CFH: variants seen among roughly 807,000 people sequenced by gnomAD.
CFH encodes H factor 1 (complement).
Under a neutral mutation model 147.3 loss-of-function variants are expected in CFH, and 53 were observed. The observed-to-expected ratio is 0.36, with a 90% CI of 0.29 to 0.45. The LOEUF is 0.45. CFH is among the 20% of genes least tolerant of loss of function. CFH has a pLI of 1.00. For synonymous variants in CFH, 536 were observed against 489.4 expected, an observed-to-expected ratio of 1.10 and a Z score of -1.26; for missense variants, 1,380 against 1,498.0, an observed-to-expected ratio of 0.92 and a Z score of 1.30.
intron 6 of CFH, among the ~76,000 whole-genome samples, chr1:196,680,217 C>T (rs1333693634): frequency 6.7e-6 from 1 of 149,092 alleles, no homozygotes; most frequent in African/African-American, 2.5e-5. Context: ...AGGAAACTCT[C>T]AACTGACAAT....
chr1:196,681,882 T>C (rs1055998250), intron 6 of CFH, among the ~76,000 whole-genome samples: 1 of 151,826 alleles, frequency 6.6e-6, no homozygotes, highest in Admixed American at 6.6e-5. Flanking sequence ...ATCTACTTGC[T>C]GATATAAGAT....
In CFH at chr1:196,677,676, C is replaced by A; in HGVS notation, c.619+9C>A. ...GAAACCAAAGTGTGTGGGTAAGATACACTTACTGTTTTAGTATTTTTAGCT... is the reference window on the plus strand; with the variant it reads ...GAAACCAAAGTGTGTGGGTAAGATAAACTTACTGTTTTAGTATTTTTAGCT... On this transcript the variant is annotated intron_variant, in intron 5 of 21. Transcript: ENST00000367429. 1 of 1,610,672 alleles carries A rather than the reference C, an allele frequency of 6.2e-7. No homozygotes were observed. Among genetic ancestry groups the A allele is most frequent in the Non-Finnish European group, 8.5e-7 (1 of 1,177,266 alleles).
chr1:196,704,197 C>A (rs1668530693), intron 9 of CFH, among the ~76,000 whole-genome samples: 1 of 151,986 alleles, frequency 6.6e-6, no homozygotes, highest in Non-Finnish European at 1.5e-5. Context: ...CGAGCTAAAG[C>A]AATTTTCCTG....
chr1:196,747,035 T>G (rs1436410172), intron 21 of CFH, 76 bp from the exon 22 acceptor site: 1 of 1,593,020 alleles, frequency 6.3e-7, no homozygotes, highest in Admixed American at 1.7e-5. Flanking sequence ...CATATAACAT[T>G]CTACTTGAAA....
chr1:196,736,945 T>C lies in CFH; in HGVS notation c.2535T>C (p.Ile845=), dbSNP rs1669418679. 2 of 1,611,932 alleles carry C rather than the reference T, an allele frequency of 1.2e-6. No homozygotes were observed. Among genetic ancestry groups the C allele is most frequent in the African/African-American group, 2.7e-5 (2 of 74,834 alleles). The change falls in exon 16 of 22, where the codon ATT becomes ATC. Residue 845 remains isoleucine, a synonymous_variant. Transcript: ENST00000367429. ...VSVLCQENYL[I]QEGEEITCKD... ...TTCTTTGCCAAGAAAATTATCTAAT[T>C]CAGGAAGGAGAAGAAATTACATGCA... is the stretch of plus-strand genomic sequence containing the variant.
At chr1:196,719,880 G>A (rs963360287) in intron 11 of CFH, among the ~76,000 whole-genome samples, 9 of 150,346 alleles carry the variant, frequency 6.0e-5, no homozygotes, top group African/African-American at 2.2e-4. Context: ...AATTTATCTT[G>A]GTTTGTTTTC....
At chr1:196,717,642 G>A (rs1003524404) in intron 11 of CFH, among the ~76,000 whole-genome samples, 3 of 152,072 alleles carry the variant, frequency 2.0e-5, no homozygotes, top group Non-Finnish European at 4.4e-5. Context: ...AATCTAATAG[G>A]AAGATCAGAA....
chr1:196,704,309 C>T (rs542791688), intron 9 of CFH, among the ~76,000 whole-genome samples: 1 of 152,180 alleles, frequency 6.6e-6, no homozygotes. Flanking sequence ...TTGCCTGGCT[C>T]GTCTTAAACT....
chr1:196,653,269 T>C (rs1380246626), intron 1 of CFH, among the ~76,000 whole-genome samples: 1 of 151,810 alleles, frequency 6.6e-6, no homozygotes, highest in African/African-American at 2.4e-5. Context: ...TTATTGCTTG[T>C]TCTTTGGCTT....
At chr1:196,663,970 A>G (rs999695423) in intron 1 of CFH, among the ~76,000 whole-genome samples, 4 of 152,200 alleles carry the variant, frequency 2.6e-5, no homozygotes, top group Admixed American at 2.6e-4. Context: ...TTCTGATTAT[A>G]CCAAGATATG....
At chr1:196,683,117 A>G (rs1667710440) in intron 6 of CFH, among the ~76,000 whole-genome samples, 1 of 151,258 alleles carries the variant, frequency 6.6e-6, no homozygotes. Flanking sequence ...GTACAAGAGG[A>G]GAAGCAAAAA....
Position 196,680,452 on chromosome 1 carries a change from C to T in CFH, c.790+659C>T, listed in dbSNP as rs75909138. Among the ~76,000 whole-genome samples, 458 of 151,730 alleles carry T rather than the reference C, an allele frequency of 3.0e-3. 2 individuals carry two copies. The highest frequency in any genetic ancestry group is 0.021 in the East Asian group (109 of 5,170). ...TCTACTTAACCTACTTCATTTTAAACGGGAAAGTTTCAAACTATCATGGCC... is the reference window on the plus strand; with the variant it reads ...TCTACTTAACCTACTTCATTTTAAATGGGAAAGTTTCAAACTATCATGGCC... On this transcript the variant is annotated intron_variant, in intron 6 of 21. Coordinates refer to ENST00000367429, the MANE Select transcript of CFH (RefSeq NM_000186.4).
intron 14 of CFH, among the ~76,000 whole-genome samples, chr1:196,727,513 TA>T (rs1669173482): frequency 6.6e-6 from 1 of 151,994 alleles, no homozygotes; most frequent in Admixed American, 6.6e-5. Context: ...ACAAAAATAT[TA>T]AAAAATTATC....
At chr1:196,729,683 ATGT>A (rs1669236162) in intron 15 of CFH, among the ~76,000 whole-genome samples, 1 of 151,948 alleles carries the variant, frequency 6.6e-6, no homozygotes, top group South Asian at 2.1e-4. Context: ...CCTTTCTAAA[ATGT>A]TGTTATAATT....
intron 9 of CFH, among the ~76,000 whole-genome samples, chr1:196,698,269 A>C (rs1405512201): frequency 6.6e-6 from 1 of 152,176 alleles, no homozygotes; most frequent in Non-Finnish European, 1.5e-5. Flanking sequence ...AACCCTTCAA[A>C]AAATCAATGC....
intron 2 of CFH, 94 bp downstream of exon 2, chr1:196,673,257 T>A: frequency 8.9e-7 from 1 of 1,118,372 alleles, no homozygotes; most frequent in Non-Finnish European, 1.4e-6. Context: ...ATTATATCAC[T>A]ATTGCCAGTC....
In CFH at chr1:196,743,458, C is replaced by T; in HGVS notation, c.3140C>T (p.Ser1047Phe). 6.2e-7 allele frequency: 1 copy of T among 1,613,984 alleles called. No homozygotes were observed. Among genetic ancestry groups the T allele is most frequent in the Non-Finnish European group, 8.5e-7 (1 of 1,179,918 alleles). The change falls in exon 20 of 22, where the codon TCC becomes TTC. Residue 1047 changes from serine to phenylalanine, a missense_variant. By Grantham distance (155) the Ser-to-Phe change is radical. Around this residue, in one of 4 missense-constraint regions of CFH, gnomAD observed 830 missense variants for 821.4 expected, o/e 1.01. Coordinates refer to ENST00000367429, the MANE Select transcript of CFH (RefSeq NM_000186.4). Reference sequence around the variant, plus strand: ...TTCTTTTTTTTCTATTCAGACACCTCCTGTGTGAATCCGCCCACAGTACAA... The same window carrying T: ...TTCTTTTTTTTCTATTCAGACACCTTCTGTGTGAATCCGCCCACAGTACAA... The part of the protein sequence containing the change: ...WTGRPTCRDT[S>F]CVNPPTVQNA...
At chr1:196,690,656 T>C (rs1667991593) in intron 9 of CFH, among the ~76,000 whole-genome samples, 1 of 152,090 alleles carries the variant, frequency 6.6e-6, no homozygotes, top group Admixed American at 6.6e-5. Flanking sequence ...AACAGCTTCC[T>C]CTCTTGTGAG....
intron 6 of CFH, among the ~76,000 whole-genome samples, chr1:196,681,353 GATACCTACT>G (rs1667649391): frequency 1.1e-5 from 1 of 92,182 alleles, no homozygotes; most frequent in Admixed American, 1.3e-4. Flanking sequence ...TCTTCACTTT[GATACCTACT>G]TAAAACTCTT....
Sources: allele counts gnomAD v4.1 joint callset (sites outside exome capture counted in the v4.1 genomes callset), GRCh38; gene constraint gnomAD v4.1.1; regional missense constraint gnomAD v4.1.1; transcripts MANE v1.5; gene names NCBI Gene and HGNC (gene_info 2026-07-23, HGNC 2026-07-21).